FLT1: variants seen among roughly 807,000 people sequenced by gnomAD.
FLT1 encodes vascular endothelial growth factor receptor 1.
A neutral mutation model predicts 156.3 loss-of-function variants in FLT1; 49 were observed. The observed-to-expected ratio is 0.31, with a 90% CI of 0.25 to 0.40. FLT1 has a LOEUF of 0.40. Ranked by LOEUF, FLT1 falls within the 10% of genes least tolerant of loss-of-function variation. FLT1 has a pLI of 1.00. For missense variants in FLT1, 1,322 were observed against 1,637.2 expected (o/e 0.81, Z 3.32); for synonymous variants, 594 against 583.8 (o/e 1.02, Z -0.25).
chr13:28,477,325 G>A (rs770788453), intron 1 of FLT1, among the ~76,000 whole-genome samples: 1 of 152,278 alleles, frequency 6.6e-6, no homozygotes, highest in African/African-American at 2.4e-5. Context: ...GTTAATTAAG[G>A]TTGGTTTGGG....
intron 13 of FLT1, 33 bp from the exon 14 acceptor site, chr13:28,385,064 C>T (rs753365913): frequency 1.3e-5 from 21 of 1,611,920 alleles, no homozygotes; most frequent in South Asian, 2.2e-5. Flanking sequence ...TGTGATTACT[C>T]GTCAACTTTA....
At chr13:28,445,367 T>A (rs1878558426) in intron 3 of FLT1, among the ~76,000 whole-genome samples, 1 of 152,006 alleles carries the variant, frequency 6.6e-6, no homozygotes, top group Non-Finnish European at 1.5e-5. Context: ...TCCCAGCTAC[T>A]CAGGAGGCTA....
At chr13:28,325,393 T>TCTTTCACC (rs1389804459) in intron 20 of FLT1, among the ~76,000 whole-genome samples, 2 of 152,208 alleles carry the variant, frequency 1.3e-5, no homozygotes, top group African/African-American at 2.4e-5. Context: ...AGAGCTGAGT[T>TCTTTCACC]CTTTCACCTT....
At chr13:28,339,525 C>T (rs1872248427) in intron 16 of FLT1, among the ~76,000 whole-genome samples, 1 of 152,176 alleles carries the variant, frequency 6.6e-6, no homozygotes, top group African/African-American at 2.4e-5. Context: ...AATGTGAGCT[C>T]TACCATCCTA....
intron 14 of FLT1, among the ~76,000 whole-genome samples, chr13:28,381,385 C>T (rs1205167520): frequency 6.6e-6 from 1 of 151,940 alleles, no homozygotes; most frequent in African/African-American, 2.4e-5. Context: ...GGTGAAACCC[C>T]CATCTCTACT....
intron 7 of FLT1, among the ~76,000 whole-genome samples, 160 bp downstream of exon 7, chr13:28,430,976 G>A (rs1282251804): frequency 1.3e-5 from 2 of 152,156 alleles, no homozygotes; most frequent in Admixed American, 6.5e-5. Context: ...ACTTAATGTG[G>A]TTTGCTTTTT....
Position 28,324,821 on chromosome 13 carries a change from C to T in FLT1, c.2797-1875G>A, listed in dbSNP as rs114720870. 1.3e-3 allele frequency among the ~76,000 whole-genome samples: 198 copies of T among 152,300 alleles called. 1 individual carries two copies. The highest frequency in any genetic ancestry group is 4.5e-3 in the African/African-American group (188 of 41,556). ...CAAAAGTCACAGCCTAGGCATGTCT[C>T]CAAGGACCAAAACTCAGGCTCTCTC... On this transcript the variant is annotated intron_variant, in intron 20 of 29. Transcript: ENST00000282397.
rs142306111 is a variant in FLT1, at chr13:28,462,556, A to G, written c.388+4347T>C. On this transcript the variant is annotated intron_variant, in intron 3 of 29. Transcript: ENST00000282397. ...ATTCATTTTTAACAAAGCAATTTTTACAAATGCATATCATATTTTCCACTA... is the reference window on the plus strand; with the variant it reads ...ATTCATTTTTAACAAAGCAATTTTTGCAAATGCATATCATATTTTCCACTA... 7.6e-3 allele frequency among the ~76,000 whole-genome samples: 1,161 copies of G among 152,350 alleles called. 6 individuals are homozygous for G. Among genetic ancestry groups the G allele is most frequent in the Non-Finnish European group, 0.011 (761 of 68,030 alleles).
chr13:28,438,151 A>T, intron 4 of FLT1, 70 bp downstream of exon 4: 1 of 1,483,794 alleles, frequency 6.7e-7, no homozygotes, highest in Non-Finnish European at 9.4e-7. Flanking sequence ...CCAGAAAGAT[A>T]GAACGAGTAA....
At chr13:28,304,383 CCT>C (rs1430176165) in intron 29 of FLT1, among the ~76,000 whole-genome samples, 6 of 152,130 alleles carry the variant, frequency 3.9e-5, no homozygotes, top group South Asian at 4.1e-4. Context: ...TGGAAATGCC[CCT>C]GTCTTTCCCA....
At position 28,327,525 on chromosome 13, in the gene FLT1, G is replaced by A. The variant is rs748627580; in HGVS notation, c.2733C>T (p.Tyr911=). The A allele has an allele frequency of 2.5e-6, 4 of 1,613,290 alleles. No homozygotes were observed. The highest frequency in any genetic ancestry group is 1.1e-5 in the South Asian group (1 of 91,062). ...QGGPLMVIVE[Y]CKYGNLSNYL... is the part of the protein sequence containing the mutation. ...AGTTGGAGAGATTTCCATATTTGCA[G>A]TATTCAACAATCACCATCAGAGGCC... is the stretch of plus-strand genomic sequence containing the variant. The change falls in exon 20 of 30, where the codon TAC becomes TAT. Residue 911 remains tyrosine, a synonymous_variant. Transcript: ENST00000282397.
intron 28 of FLT1, chr13:28,308,309 A>C: frequency 5.4e-6 from 1 of 185,584 alleles, no homozygotes; most frequent in Non-Finnish European, 1.1e-5. Flanking sequence ...ACCCCACATC[A>C]CAGGGCTTTA....
chr13:28,315,834 G>A (rs1246287325), intron 25 of FLT1, among the ~76,000 whole-genome samples: 1 of 152,028 alleles, frequency 6.6e-6, no homozygotes, highest in Admixed American at 6.6e-5. Context: ...CATCAGCCGT[G>A]GTCTAGGGAC....
At chr13:28,380,797 T>C (rs530328461) in intron 14 of FLT1, among the ~76,000 whole-genome samples, 1 of 152,102 alleles carries the variant, frequency 6.6e-6, no homozygotes, top group Non-Finnish European at 1.5e-5. Context: ...ACTGGACAAT[T>C]TCTGTATAAA....
intron 26 of FLT1, 53 bp downstream of exon 26, chr13:28,311,940 G>T: frequency 4.0e-6 from 5 of 1,244,050 alleles, no homozygotes; most frequent in African/African-American, 1.5e-5. Context: ...CAAATAAAAT[G>T]CCCCCCTGAC....
At chr13:28,348,036 G>A (rs1441853260) in intron 15 of FLT1, among the ~76,000 whole-genome samples, 1 of 152,066 alleles carries the variant, frequency 6.6e-6, no homozygotes, top group Non-Finnish European at 1.5e-5. Flanking sequence ...CATAGTCCCC[G>A]CCACAAAGTT....
chr13:28,432,285 T>C (rs991775870), intron 6 of FLT1, among the ~76,000 whole-genome samples: 3 of 152,156 alleles, frequency 2.0e-5, no homozygotes, highest in African/African-American at 4.8e-5. Context: ...TTAATACACT[T>C]CTACCCACCT....
chr13:28,307,711 T>A (rs1017515410), intron 28 of FLT1, among the ~76,000 whole-genome samples: 34 of 151,768 alleles, frequency 2.2e-4, no homozygotes, highest in African/African-American at 8.0e-4. Context: ...CTGATTGTGG[T>A]GATCACCTTC....
At chr13:28,352,948 AC>A (rs1318488499) in intron 15 of FLT1, among the ~76,000 whole-genome samples, 1 of 152,206 alleles carries the variant, frequency 6.6e-6, no homozygotes, top group Non-Finnish European at 1.5e-5. Context: ...GAAAGCAGTG[AC>A]TGAAGACCCA....
Sources: gnomAD v4.1 joint callset for allele counts (sites outside exome capture counted in the v4.1 genomes callset) on GRCh38, gnomAD v4.1.1 for gene constraint, MANE v1.5 for transcripts, NCBI Gene and HGNC (gene_info 2026-07-23, HGNC 2026-07-21) for gene names.